Variants in PKIB observed in about 807,000 individuals in gnomAD.
The protein encoded by PKIB is PKI-beta.
In PKIB, 2 loss-of-function variants were observed where a neutral mutation model predicts 4.5. The observed-to-expected ratio is 0.44, with a 90% CI of 0.18 to 1.39. The LOEUF is 1.39. PKIB is among the 40% of genes most tolerant of loss of function. The pLI is 0.27. For synonymous variants in PKIB, 38 were observed against 36.0 expected (o/e 1.06, Z -0.20); for missense variants, 94 against 92.6 (o/e 1.02, Z -0.06).
chr6:122,605,066 G>C (rs1032775429), intron 3 of PKIB, among the ~76,000 whole-genome samples: 2 of 152,170 alleles, frequency 1.3e-5, no homozygotes, highest in Admixed American at 6.5e-5. Context: ...AAAAGGAGCA[G>C]GGTCACTAAC....
chr6:122,545,398 A>ACCC (rs1010726108), intron 2 of PKIB, among the ~76,000 whole-genome samples: 1 of 151,940 alleles, frequency 6.6e-6, no homozygotes, highest in Non-Finnish European at 1.5e-5. Flanking sequence ...ACAGACAACC[A>ACCC]AATACTGCAT....
Position 122,501,363 on chromosome 6 carries a change from G to C in PKIB, c.-248+23424G>C, listed in dbSNP as rs575869242. Among the ~76,000 whole-genome samples, 27 of 152,318 alleles carry C rather than the reference G, an allele frequency of 1.8e-4. 1 individual carries two copies. The South Asian group carries it at 5.0e-3, about 28-fold the overall frequency. On this transcript the variant is annotated intron_variant, in intron 2 of 6. Transcript: ENST00000392491. Reference sequence around the variant, plus strand: ...CAAAACAAAGGGGCTACAGGCCCTAGTGGAGGTTCTCTGTGATGGCTCTGC... The same window carrying C: ...CAAAACAAAGGGGCTACAGGCCCTACTGGAGGTTCTCTGTGATGGCTCTGC...
At chr6:122,483,595 AGGTTTG>A (rs1358351529) in intron 2 of PKIB, 1 of 152,244 alleles carries the variant, frequency 6.6e-6, no homozygotes, top group African/African-American at 2.4e-5. Context: ...AGTAACTCAA[AGGTTTG>A]GTTAGAACTT....
intron 2 of PKIB, among the ~76,000 whole-genome samples, chr6:122,553,478 C>CT (rs1562249215): frequency 2.0e-5 from 1 of 48,928 alleles, no homozygotes; most frequent in East Asian, 4.8e-4. Flanking sequence ...GCTCAAATAT[C>CT]TTCTTTTTTT....
chr6:122,714,103 C>G (rs1172544845), intron 3 of PKIB, among the ~76,000 whole-genome samples: 1 of 152,168 alleles, frequency 6.6e-6, no homozygotes, highest in Non-Finnish European at 1.5e-5. Context: ...AGCTAAGAGT[C>G]ACCTTGTGGA....
intron 2 of PKIB, among the ~76,000 whole-genome samples, chr6:122,649,326 A>T (rs1003241447): frequency 6.6e-6 from 1 of 152,160 alleles, no homozygotes; most frequent in Non-Finnish European, 1.5e-5. Context: ...CACTAGGAAG[A>T]CTTCTCTTTA....
chr6:122,492,340 T>C (rs1456520422), intron 2 of PKIB, among the ~76,000 whole-genome samples: 4 of 152,102 alleles, frequency 2.6e-5, no homozygotes, highest in South Asian at 2.1e-4. Flanking sequence ...ATTCAGGTTA[T>C]AGGGAAGTCA....
At chr6:122,481,843 A>G (rs1775619498) in intron 2 of PKIB, 1 of 152,024 alleles carries the variant, frequency 6.6e-6, no homozygotes, top group South Asian at 2.1e-4. Flanking sequence ...TTGGCTTCCT[A>G]TTTTACCTGT....
chr6:122,582,900 A>G (rs1055105634), intron 2 of PKIB, among the ~76,000 whole-genome samples: 1 of 152,030 alleles, frequency 6.6e-6, no homozygotes, highest in East Asian at 1.9e-4. Context: ...ATATGGTCAC[A>G]TTATTCTTGC....
Position 122,657,763 on chromosome 6 carries a change from A to G in PKIB, c.-75-17315A>G, listed in dbSNP as rs543998925. Among the ~76,000 whole-genome samples, 8 of 152,376 alleles carry G rather than the reference A, an allele frequency of 5.3e-5. No homozygotes were observed. In the South Asian group the frequency reaches 1.4e-3, roughly 28 times the overall value. On this transcript the variant is annotated intron_variant, in intron 2 of 4. Transcript: ENST00000368452. ...CTTTGAAAGATATGGAAGCAATCCA[A>G]TTTAAACACTGGCTTTCAGCCACAT...
intron 2 of PKIB, among the ~76,000 whole-genome samples, chr6:122,566,740 A>G (rs533406369): frequency 6.6e-6 from 1 of 152,164 alleles, no homozygotes; most frequent in African/African-American, 2.4e-5. Context: ...CAACTTTAAT[A>G]GCAAAACTTC....
At chr6:122,681,621 A>T (rs1777898942) in intron 3 of PKIB, among the ~76,000 whole-genome samples, 1 of 152,240 alleles carries the variant, frequency 6.6e-6, no homozygotes, top group African/African-American at 2.4e-5. Flanking sequence ...CCAATTAAGA[A>T]AAAACAAAAC....
At chr6:122,572,468 A>G (rs145613366) in intron 2 of PKIB, among the ~76,000 whole-genome samples, 1 of 152,272 alleles carries the variant, frequency 6.6e-6, no homozygotes, top group African/African-American at 2.4e-5. Context: ...TCCGGGATAC[A>G]GCAAAAGTAG....
At chr6:122,476,311 T>G (rs920483126) in intron 1 of PKIB, among the ~76,000 whole-genome samples, 1 of 152,206 alleles carries the variant, frequency 6.6e-6, no homozygotes, top group Non-Finnish European at 1.5e-5. Context: ...AAAAATAGAT[T>G]AGGACACAGT....
chr6:122,547,739 G>A (rs1241926071), intron 2 of PKIB, among the ~76,000 whole-genome samples: 1 of 121,472 alleles, frequency 8.2e-6, no homozygotes, highest in African/African-American at 3.0e-5. Context: ...TCCCTACAGG[G>A]TCACTGGACA....
intron 1 of PKIB, among the ~76,000 whole-genome samples, chr6:122,618,802 A>G (rs910974605): frequency 6.6e-6 from 1 of 152,118 alleles, no homozygotes; most frequent in Non-Finnish European, 1.5e-5. Flanking sequence ...ATATACACCT[A>G]TTTGATTAAT....
intron 2 of PKIB, among the ~76,000 whole-genome samples, chr6:122,508,912 A>G (rs1157688823): frequency 6.6e-6 from 1 of 151,874 alleles, no homozygotes; most frequent in Middle Eastern, 3.2e-3. Context: ...CACCATGCCC[A>G]GCTAATTTTT....
intron 3 of PKIB, among the ~76,000 whole-genome samples, chr6:122,604,991 C>T (rs531903408): frequency 1.3e-5 from 2 of 152,322 alleles, no homozygotes; most frequent in African/African-American, 4.8e-5. Context: ...GTTGTGTCCC[C>T]AACTGTTTCA....
chr6:122,614,600 G>A (rs1157084236), intron 1 of PKIB, among the ~76,000 whole-genome samples: 2 of 152,138 alleles, frequency 1.3e-5, no homozygotes. Flanking sequence ...CTGAAGTCCA[G>A]TGTGATAGCT....
Sources: allele counts gnomAD v4.1 joint callset (sites outside exome capture counted in the v4.1 genomes callset), GRCh38; gene constraint gnomAD v4.1.1; transcripts MANE v1.5; gene names NCBI Gene and HGNC (gene_info 2026-07-23, HGNC 2026-07-21).